The following DPP10 variants were observed in gnomAD, a reference collection of about 807,000 sequenced individuals.
DPP10 encodes inactive dipeptidyl peptidase 10.
A neutral mutation model predicts 120.9 loss-of-function variants in DPP10; 33 were observed. The ratio of observed to expected loss-of-function variants is 0.27; its 90% confidence interval spans 0.21 to 0.37. The LOEUF (loss-of-function observed/expected upper bound fraction) is 0.37. DPP10 is among the 10% of genes least tolerant of loss of function. The pLI, the probability that DPP10 is intolerant of heterozygous loss-of-function variation, is 1.00. For missense variants in DPP10, 816 were observed against 942.8 expected (o/e 0.87, Z 1.76); for synonymous variants, 337 against 326.1 (o/e 1.03, Z -0.36).
At chr2:114,539,681 A>G (rs926268760) in intron 1 of DPP10, among the ~76,000 whole-genome samples, 40 of 152,162 alleles carry the variant, frequency 2.6e-4, no homozygotes, top group South Asian at 6.2e-4. Flanking sequence ...GTTCTCCATT[A>G]TAGATTCAGC....
intron 1 of DPP10, among the ~76,000 whole-genome samples, chr2:115,297,830 C>T (rs2060956681): frequency 6.6e-6 from 1 of 152,042 alleles, no homozygotes; most frequent in African/African-American, 2.4e-5. Flanking sequence ...TGATGGTCTG[C>T]CTTGTTAGTA....
chr2:114,655,049 G>A (rs1045386483), intron 1 of DPP10, among the ~76,000 whole-genome samples: 16 of 151,946 alleles, frequency 1.1e-4, no homozygotes, highest in East Asian at 5.8e-4. Context: ...CTGTAACTTC[G>A]GTGCTTCATA....
rs965116705 is a variant in DPP10, at chr2:114,828,685, C to G, written c.60+385847C>G. The G allele has an allele frequency of 2.6e-5, 4 of 152,136 alleles. No individual in the cohort carries two copies. The South Asian group carries it at 6.2e-4, about 24-fold the overall frequency. The allele number at this position is 152,136 out of a possible 1,614,324, so 9.4% of individuals were successfully genotyped here. ...GTAAGCTAAAATGCACCAGAAGGTT[C>G]AAGAGTTAAAAGACATAGAAGAAGC... On this transcript the variant is annotated intron_variant, in intron 1 of 25. Transcript: ENST00000410059.
rs548041598 is a variant in DPP10, at chr2:114,546,158, C to T, written c.60+103320C>T. On this transcript the variant is annotated intron_variant, in intron 1 of 25. Transcript: ENST00000410059. ...TATAAAAATACCTGAGACTGAGTAACTTATTAAAAAAAAAGAGTTGTAATT... is the reference window on the plus strand; with the variant it reads ...TATAAAAATACCTGAGACTGAGTAATTTATTAAAAAAAAAGAGTTGTAATT... Among the ~76,000 whole-genome samples, 3 of 151,418 alleles carry T rather than the reference C, an allele frequency of 2.0e-5. No homozygotes were observed. In the South Asian group the frequency reaches 6.2e-4, roughly 31 times the overall value.
At chr2:115,459,363 G>T (rs1224571598) in intron 3 of DPP10, among the ~76,000 whole-genome samples, 1 of 151,844 alleles carries the variant, frequency 6.6e-6, no homozygotes, top group East Asian at 1.9e-4. Flanking sequence ...CACCACATTG[G>T]CCAGGGTGGT....
At chr2:114,591,741 G>T (rs958375906) in intron 1 of DPP10, among the ~76,000 whole-genome samples, 1 of 151,806 alleles carries the variant, frequency 6.6e-6, no homozygotes, top group Non-Finnish European at 1.5e-5. Flanking sequence ...TTTTAGTAGA[G>T]ACAGGGTTTC....
chr2:114,642,634 C>A lies in DPP10; in HGVS notation c.60+199796C>A, dbSNP rs374100950. 6.6e-5 allele frequency among the ~76,000 whole-genome samples: 10 copies of A among 151,702 alleles called. No individual in the cohort carries two copies. The East Asian group carries it at 1.7e-3, about 26-fold the overall frequency. ...ATACCACAGTAAAATAAATGACTAT[C>A]GAGAAAGCAGGAGGAACAGCTCACC... is the stretch of plus-strand genomic sequence containing the variant. On this transcript the variant is annotated intron_variant, in intron 1 of 25. Coordinates refer to ENST00000410059, the MANE Select transcript of DPP10 (RefSeq NM_020868.6).
intron 1 of DPP10, among the ~76,000 whole-genome samples, chr2:115,153,688 G>C (rs2051713415): frequency 6.6e-6 from 1 of 152,068 alleles, no homozygotes; most frequent in Admixed American, 6.6e-5. Flanking sequence ...TGCCAAGCCT[G>C]ATTTTACCTT....
intron 3 of DPP10, among the ~76,000 whole-genome samples, chr2:115,347,576 G>T (rs1224360201): frequency 1.3e-5 from 2 of 152,010 alleles, no homozygotes; most frequent in African/African-American, 4.8e-5. Flanking sequence ...GTGGTTTGCT[G>T]CACCCATCGT....
At chr2:115,677,041 G>T (rs751072404) in intron 5 of DPP10, among the ~76,000 whole-genome samples, 1 of 152,148 alleles carries the variant, frequency 6.6e-6, no homozygotes, top group Non-Finnish European at 1.5e-5. Context: ...CAAAATTCAG[G>T]GAAAAACAGA....
At chr2:114,797,957 T>G (rs961563647) in intron 1 of DPP10, among the ~76,000 whole-genome samples, 1 of 152,238 alleles carries the variant, frequency 6.6e-6, no homozygotes, top group Non-Finnish European at 1.5e-5. Flanking sequence ...GCATGTTATG[T>G]GGATATCATG....
At chr2:115,572,808 A>T (rs1440901168) in intron 5 of DPP10, among the ~76,000 whole-genome samples, 1 of 152,194 alleles carries the variant, frequency 6.6e-6, no homozygotes, top group African/African-American at 2.4e-5. Context: ...TTATTTTTTT[A>T]ACAACCCAAA....
chr2:114,744,919 G>A (rs1170604192), intron 1 of DPP10, among the ~76,000 whole-genome samples: 6 of 152,092 alleles, frequency 3.9e-5, no homozygotes, highest in Non-Finnish European at 5.9e-5. Flanking sequence ...CCATTACCAC[G>A]TCTGGCCAAT....
intron 1 of DPP10, among the ~76,000 whole-genome samples, chr2:114,942,376 C>T (rs1477975454): frequency 1.7e-5 from 1 of 57,298 alleles, no homozygotes; most frequent in Non-Finnish European, 3.2e-5. Flanking sequence ...TATATACACA[C>T]ACATATATAT....
intron 1 of DPP10, among the ~76,000 whole-genome samples, chr2:114,545,443 A>G (rs1022131042): frequency 6.6e-6 from 1 of 152,174 alleles, no homozygotes; most frequent in Non-Finnish European, 1.5e-5. Context: ...TCCAGAATGA[A>G]CAAGGTTACC....
chr2:114,852,776 C>A (rs993482507), intron 1 of DPP10, among the ~76,000 whole-genome samples: 1 of 152,018 alleles, frequency 6.6e-6, no homozygotes, highest in Non-Finnish European at 1.5e-5. Flanking sequence ...ATTATGTATT[C>A]TAACACCCGG....
intron 1 of DPP10, among the ~76,000 whole-genome samples, chr2:114,497,936 A>G (rs1474869834): frequency 6.6e-6 from 1 of 152,160 alleles, no homozygotes; most frequent in Non-Finnish European, 1.5e-5. Context: ...GGTGTATTGT[A>G]TTCAGTTTCT....
At chr2:114,775,927 A>T (rs1183491515) in intron 1 of DPP10, among the ~76,000 whole-genome samples, 1 of 152,134 alleles carries the variant, frequency 6.6e-6, no homozygotes, top group Non-Finnish European at 1.5e-5. Flanking sequence ...CATCTAAACA[A>T]ATATACTTAC....
Position 115,104,329 on chromosome 2 carries a change from G to A in DPP10, c.61-204910G>A, listed in dbSNP as rs143043093. ...CTGAGTGGCTGGATCTACAGAAGCT[G>A]CCACCACACCTGGCTATAGACCTAA... On this transcript the variant is annotated intron_variant, in intron 1 of 25. Coordinates refer to ENST00000410059, the MANE Select transcript of DPP10 (RefSeq NM_020868.6). 1.5e-4 allele frequency among the ~76,000 whole-genome samples: 23 copies of A among 151,846 alleles called. No homozygotes were observed. The East Asian group carries it at 4.5e-3, about 30-fold the overall frequency.
Sources: allele counts gnomAD v4.1 joint callset (sites outside exome capture counted in the v4.1 genomes callset), GRCh38; gene constraint gnomAD v4.1.1; transcripts MANE v1.5; gene names NCBI Gene and HGNC (gene_info 2026-07-23, HGNC 2026-07-21).